SLC8A1: variants seen among roughly 807,000 people sequenced by gnomAD.
SLC8A1 encodes solute carrier family 8 member A1.
SLC8A1 carries 18 observed loss-of-function variants against 68.3 expected under a neutral mutation model. That is an observed-to-expected ratio of 0.26 (90% CI 0.18 to 0.39). The LOEUF is 0.39. Among genes scored for constraint, SLC8A1 ranks in the 10% least tolerant of loss-of-function variants. SLC8A1 has a pLI of 1.00. For missense variants in SLC8A1, 985 were observed against 1,156.7 expected, an observed-to-expected ratio of 0.85 and a Z score of 2.15; for synonymous variants, 475 against 415.5, an observed-to-expected ratio of 1.14 and a Z score of -1.74.
Position 40,358,337 on chromosome 2 carries a change from T to C in SLC8A1, c.1808+70136A>G, listed in dbSNP as rs116023317. 8.8e-3 allele frequency among the ~76,000 whole-genome samples: 1,338 copies of C among 151,798 alleles called. 10 individuals are homozygous for C. The highest frequency in any genetic ancestry group is 0.014 in the Non-Finnish European group (975 of 67,948). On this transcript the variant is annotated intron_variant, in intron 2 of 7. Transcript: ENST00000406785. ...TTTAAATATGTTCTAAAAAATGTCC[T>C]TGTAGAAACATCTGCAGCCCACATA...
At chr2:40,445,197 G>A (rs553701758) in intron 1 of SLC8A1, among the ~76,000 whole-genome samples, 15 of 146,848 alleles carry the variant, frequency 1.0e-4, no homozygotes, top group Non-Finnish European at 1.8e-4. Flanking sequence ...AAAAGGCTAA[G>A]TAATTAGCAC....
At position 40,334,103 on chromosome 2, in the gene SLC8A1, G is replaced by C. The variant is rs536590191; in HGVS notation, c.1808+94370C>G. 1.2e-4 allele frequency among the ~76,000 whole-genome samples: 19 copies of C among 152,258 alleles called. No individual in the cohort carries two copies. In the South Asian group the frequency reaches 3.9e-3, roughly 32 times the overall value. ...ATGCATTATCATGTATATCCATTTT[G>C]TTGCAACATCATCAACATATCTATA... On this transcript the variant is annotated intron_variant, in intron 2 of 7. Transcript: ENST00000406785.
intron 1 of SLC8A1, among the ~76,000 whole-genome samples, chr2:40,442,819 G>A (rs1188721624): frequency 6.6e-6 from 1 of 152,124 alleles, no homozygotes; most frequent in Non-Finnish European, 1.5e-5. Context: ...GTGTATTGCA[G>A]CAATATTTAC....
chr2:40,486,272 A>G (rs900162259), intron 1 of SLC8A1, among the ~76,000 whole-genome samples: 7 of 152,210 alleles, frequency 4.6e-5, no homozygotes, highest in South Asian at 2.1e-4. Context: ...AGTCTCTGAT[A>G]TGTCTTTATT....
intron 7 of SLC8A1, among the ~76,000 whole-genome samples, chr2:40,121,815 C>A (rs2036894031): frequency 6.6e-6 from 1 of 151,978 alleles, no homozygotes; most frequent in African/African-American, 2.4e-5. Context: ...GTTATAACAC[C>A]CTTTAAAAAT....
At chr2:40,301,120 G>C (rs921052868) in intron 2 of SLC8A1, among the ~76,000 whole-genome samples, 12 of 152,104 alleles carry the variant, frequency 7.9e-5, no homozygotes, top group African/African-American at 2.9e-4. Flanking sequence ...GCACTAACTA[G>C]CTCCATGACC....
rs5553 is a variant in SLC8A1 at position 40,112,577 on chromosome 2, T to A, written c.*2676A>T. ...TACAGCTAAAAAATGAGTGCAAAAA[T>A]TTTTCTAATGTTTAAACAACTTATA... On this transcript the variant is annotated 3_prime_UTR_variant, in exon 8 of 8. Transcript: ENST00000406785. 1.1e-4 allele frequency: 16 copies of A among 152,312 alleles called. 1 individual carries two copies. The highest frequency in any genetic ancestry group is 6.6e-4 in the Admixed American group (10 of 15,240). The allele number at this position is 152,312 out of a possible 1,614,324, so 9.4% of individuals were successfully genotyped here. A position where few individuals can be genotyped will look rare whatever the true frequency, so the allele number is the denominator to read the frequency against.
intron 2 of SLC8A1, among the ~76,000 whole-genome samples, chr2:40,236,117 C>T (rs371697303): frequency 0.027 from 4,105 of 151,930 alleles, 80 homozygotes; most frequent in African/African-American, 0.064. Flanking sequence ...CTATTAGGTC[C>T]GCTTGGTGCA....
chr2:40,357,683 A>C (rs1673149454), intron 2 of SLC8A1, among the ~76,000 whole-genome samples: 1 of 152,104 alleles, frequency 6.6e-6, no homozygotes, highest in African/African-American at 2.4e-5. Context: ...GAGAACTTAA[A>C]GTATAATTTT....
intron 2 of SLC8A1, among the ~76,000 whole-genome samples, chr2:40,369,674 G>C (rs899564678): frequency 1.3e-5 from 2 of 152,058 alleles, no homozygotes; most frequent in African/African-American, 2.4e-5. Context: ...ATACCATGGA[G>C]TACGCAGGGA....
chr2:40,283,213 T>C (rs1219429241), intron 2 of SLC8A1, among the ~76,000 whole-genome samples: 1 of 152,234 alleles, frequency 6.6e-6, no homozygotes, highest in Non-Finnish European at 1.5e-5. Flanking sequence ...GTAGAGGATG[T>C]GAAAGTGAAG....
At chr2:40,237,322 C>G (rs796804921) in intron 2 of SLC8A1, among the ~76,000 whole-genome samples, 3 of 151,850 alleles carry the variant, frequency 2.0e-5, no homozygotes, top group African/African-American at 4.8e-5. Flanking sequence ...TCTTTTTTCT[C>G]TAAACTTCCC....
intron 6 of SLC8A1, among the ~76,000 whole-genome samples, chr2:40,148,848 C>T (rs1326349396): frequency 1.3e-5 from 2 of 152,204 alleles, no homozygotes; most frequent in Admixed American, 6.5e-5. Context: ...TCAGATGGAG[C>T]ATCTCCTTCC....
intron 1 of SLC8A1, among the ~76,000 whole-genome samples, chr2:40,463,072 T>C (rs138567369): frequency 6.6e-6 from 1 of 152,254 alleles, no homozygotes; most frequent in East Asian, 1.9e-4. Context: ...ACAATTTAGT[T>C]TTTAATTAAC....
intron 2 of SLC8A1, among the ~76,000 whole-genome samples, chr2:40,418,468 C>G (rs1438069755): frequency 1.3e-5 from 2 of 152,124 alleles, no homozygotes; most frequent in Non-Finnish European, 2.9e-5. Flanking sequence ...CCTACTTCAA[C>G]AACATGTCAG....
chr2:40,286,986 A>C (rs979075989), intron 2 of SLC8A1, among the ~76,000 whole-genome samples: 1 of 152,204 alleles, frequency 6.6e-6, no homozygotes, highest in Non-Finnish European at 1.5e-5. Context: ...GTTAGGCTTT[A>C]AGAATGACTT....
chr2:40,281,381 T>G (rs1316792568), intron 2 of SLC8A1, among the ~76,000 whole-genome samples: 1 of 152,180 alleles, frequency 6.6e-6, no homozygotes, highest in Non-Finnish European at 1.5e-5. Context: ...AAAGCAACAC[T>G]GTTGGTCAGC....
chr2:40,434,162 C>T (rs1698943889), intron 1 of SLC8A1, among the ~76,000 whole-genome samples: 1 of 152,086 alleles, frequency 6.6e-6, no homozygotes, highest in Non-Finnish European at 1.5e-5. Flanking sequence ...TAAAGGTAGA[C>T]AGGTCAGTAA....
chr2:40,147,241 A>T (rs956211232), intron 6 of SLC8A1, among the ~76,000 whole-genome samples: 1 of 150,760 alleles, frequency 6.6e-6, no homozygotes, highest in Non-Finnish European at 1.5e-5. Flanking sequence ...CTAAAAAAAA[A>T]TCCGCTATAT....
Sources: allele counts gnomAD v4.1 joint callset (sites outside exome capture counted in the v4.1 genomes callset), GRCh38; gene constraint gnomAD v4.1.1; transcripts MANE v1.5; gene names NCBI Gene and HGNC (gene_info 2026-07-23, HGNC 2026-07-21).